HECW1: variants seen among roughly 807,000 people sequenced by gnomAD.
HECW1 encodes the protein HECT, C2 and WW domain containing E3 ubiquitin protein ligase 1.
A neutral mutation model predicts 182.3 loss-of-function variants in HECW1; 61 were observed. The ratio of observed to expected loss-of-function variants is 0.33; its 90% CI spans 0.27 to 0.41. The LOEUF is 0.41. Ranked by LOEUF, HECW1 falls within the 10% of genes least tolerant of loss-of-function variation. The pLI, the probability that HECW1 is intolerant of heterozygous loss-of-function variation, is 1.00. For missense variants in HECW1, 1,739 were observed against 2,108.9 expected, an observed-to-expected ratio of 0.82 and a Z score of 3.44; for synonymous variants, 859 against 832.6, an observed-to-expected ratio of 1.03 and a Z score of -0.55.
At chr7:43,145,561 G>A (rs182638256) in intron 2 of HECW1, among the ~76,000 whole-genome samples, 11 of 152,346 alleles carry the variant, frequency 7.2e-5, no homozygotes, top group Admixed American at 2.0e-4. Flanking sequence ...GCCTCCCAAA[G>A]TGCTGGGATT....
chr7:43,535,648 A>G (rs1193753163), intron 24 of HECW1, among the ~76,000 whole-genome samples: 1 of 152,188 alleles, frequency 6.6e-6, no homozygotes, highest in East Asian at 1.9e-4. Flanking sequence ...TTTGCAGTGT[A>G]TTAAAGGATA....
intron 8 of HECW1, among the ~76,000 whole-genome samples, chr7:43,412,672 C>T (rs2075846461): frequency 6.8e-6 from 1 of 147,170 alleles, no homozygotes; most frequent in Non-Finnish European, 1.5e-5. Context: ...TCTCAATGTT[C>T]AATTCCCACC....
chr7:43,193,863 G>T lies in HECW1; in HGVS notation c.-31-50012G>T, dbSNP rs939381868. 2.0e-5 allele frequency among the ~76,000 whole-genome samples: 3 copies of T among 152,258 alleles called. No homozygotes were observed. The East Asian group carries it at 5.8e-4, about 29-fold the overall frequency. ...GCCTAACTATGTACTCTAACAGAAAGACCTAGTAAGGGAAGGAGATTCTCT... is the reference window on the plus strand; with the variant it reads ...GCCTAACTATGTACTCTAACAGAAATACCTAGTAAGGGAAGGAGATTCTCT... On this transcript the variant is annotated intron_variant, in intron 2 of 29. Coordinates refer to ENST00000395891, the MANE Select transcript of HECW1 (RefSeq NM_015052.5).
chr7:43,243,991 C>T lies in HECW1; in HGVS notation c.27+59C>T. On this transcript the variant is annotated intron_variant, in intron 3 of 29. Transcript: ENST00000395891. The surrounding 1 kb of genome is among the most constrained non-coding windows in gnomAD (Gnocchi z 4.0). ...CATGTCATTCCATTATAAACCCACTCCACTCATAATGGAATGTGCCTCAGC... is the reference window on the plus strand; with the variant it reads ...CATGTCATTCCATTATAAACCCACTTCACTCATAATGGAATGTGCCTCAGC... 8 of 1,325,028 alleles carry T rather than the reference C, an allele frequency of 6.0e-6. No individual in the cohort carries two copies. Among genetic ancestry groups the T allele is most frequent in the Non-Finnish European group, 6.6e-6 (6 of 915,766 alleles). The allele number at this position is 1,325,028 out of a possible 1,614,324, so 82.1% of individuals were successfully genotyped here.
chr7:43,285,564 C>T (rs1451434230), intron 3 of HECW1, among the ~76,000 whole-genome samples: 2 of 152,128 alleles, frequency 1.3e-5, no homozygotes, highest in Admixed American at 1.3e-4. Context: ...AATCCCAGCA[C>T]TTTGGGAGGC....
Position 43,541,965 on chromosome 7 carries a change from C to T in HECW1, c.4215C>T (p.Leu1405=). ...ACAACATCACAGACATCTTAGACCT[C>T]ACTTTCACTGTTAATGAAGAGGTTT... ...KDNNITDILD[L]TFTVNEEVFG... is the part of the protein sequence containing the mutation. Residue 1405 remains leucine, a synonymous_variant, in exon 26 of 30, where the codon CTC becomes CTT. Transcript: ENST00000395891. 6.5e-7 allele frequency: 1 copy of T among 1,546,220 alleles called. No individual in the cohort carries two copies. The highest frequency in any genetic ancestry group is 8.7e-7 in the Non-Finnish European group (1 of 1,147,436).
At chr7:43,322,422 G>C (rs1810246056) in intron 5 of HECW1, among the ~76,000 whole-genome samples, 2 of 152,018 alleles carry the variant, frequency 1.3e-5, no homozygotes, top group African/African-American at 4.8e-5. Flanking sequence ...TCCATGCCAG[G>C]CAAAATCCCT....
At chr7:43,501,110 T>C (rs2079334957) in intron 20 of HECW1, 103 bp from the exon 21 acceptor site, 1 of 647,274 alleles carries the variant, frequency 1.5e-6, no homozygotes, top group Admixed American at 2.8e-5. Flanking sequence ...TGTTGCTTTG[T>C]GAGAAGTGTA....
intron 3 of HECW1, among the ~76,000 whole-genome samples, chr7:43,262,730 C>T (rs1801315961): frequency 6.6e-6 from 1 of 152,196 alleles, no homozygotes; most frequent in Non-Finnish European, 1.5e-5. Flanking sequence ...TCCTCCTTTG[C>T]TTCCTCTGAA....
rs768235094 is a variant in HECW1 at position 43,541,252 on chromosome 7, T to C, written c.4109T>C (p.Leu1370Pro). The change falls in exon 25 of 30, where the codon CTC becomes CCC. Residue 1370 changes from leucine (L) to proline (P), a missense_variant. By Grantham distance (98) the Leu-to-Pro change is moderately conservative. Around this residue, in one of 5 missense-constraint regions of HECW1, gnomAD observed 420 missense variants for 595.7 expected, o/e 0.71. Coordinates refer to ENST00000395891, the MANE Select transcript of HECW1 (RefSeq NM_015052.5). Reference sequence around the variant, plus strand: ...TTCACGAGGCCCTTCTACAAGGCACTCCTGAGACTGTAAGTGCTTTGCAGA... The same window carrying C: ...TTCACGAGGCCCTTCTACAAGGCACCCCTGAGACTGTAAGTGCTTTGCAGA... Reference protein sequence around the residue: ...AFFTRPFYKALLRLPCDLSDL... With the variant: ...AFFTRPFYKAPLRLPCDLSDL... The C allele has an allele frequency of 6.2e-7, 1 of 1,613,306 alleles. No homozygotes were observed. The highest frequency in any genetic ancestry group is 8.5e-7 in the Non-Finnish European group (1 of 1,179,238).
chr7:43,522,455 T>C (rs981036794), intron 24 of HECW1: 3 of 152,376 alleles, frequency 2.0e-5, no homozygotes, highest in East Asian at 3.9e-4. Context: ...GGGAAAAGCT[T>C]AGATAGAAGC....
intron 2 of HECW1, among the ~76,000 whole-genome samples, chr7:43,140,661 G>A (rs1562589668): frequency 6.6e-6 from 1 of 152,264 alleles, no homozygotes; most frequent in Non-Finnish European, 1.5e-5. Context: ...ATTCTCCCAC[G>A]AGATTAGGAG....
At chr7:43,537,141 A>T (rs2081206673) in intron 24 of HECW1, among the ~76,000 whole-genome samples, 1 of 152,172 alleles carries the variant, frequency 6.6e-6, no homozygotes. Context: ...CCATGGAGAG[A>T]AAGAAGTGAG....
At chr7:43,320,430 GGTTGGGAGGC>G (rs1809952941) in intron 4 of HECW1, among the ~76,000 whole-genome samples, 195 bp from the exon 5 acceptor site, 1 of 152,342 alleles carries the variant, frequency 6.6e-6, no homozygotes, top group African/African-American at 2.4e-5. Flanking sequence ...AGTGCTATGG[GGTTGGGAGGC>G]GATCCCGGCA....
chr7:43,492,406 C>A (rs1360035877), intron 18 of HECW1, among the ~76,000 whole-genome samples: 1 of 152,112 alleles, frequency 6.6e-6, no homozygotes, highest in Admixed American at 6.6e-5. Context: ...CCCTCCCTGT[C>A]TTTTCTGTTC....
At position 43,274,258 on chromosome 7, in the gene HECW1, C is replaced by A. The variant is rs953551081; in HGVS notation, c.27+30326C>A. The A allele has an allele frequency of 2.1e-5, 18 of 873,086 alleles. 1 individual carries two copies. Among genetic ancestry groups the A allele is most frequent in the Middle Eastern group, 3.5e-4 (1 of 2,838 alleles). 54.1% of individuals were successfully genotyped at this position (873,086 alleles called of 1,614,324 possible). On this transcript the variant is annotated intron_variant, in intron 3 of 29. Transcript: ENST00000395891. ...CCCCTCTACTGCATGCGAATCTTTG[C>A]GCCTAAATCATGTCGTCGCCAAGTC...
intron 17 of HECW1, among the ~76,000 whole-genome samples, chr7:43,486,882 C>T (rs1468425810): frequency 6.6e-6 from 1 of 152,198 alleles, no homozygotes; most frequent in African/African-American, 2.4e-5. Context: ...TATCCTAGTG[C>T]CTCGTAGACA....
At chr7:43,226,853 G>T (rs1037867146) in intron 2 of HECW1, among the ~76,000 whole-genome samples, 1 of 152,192 alleles carries the variant, frequency 6.6e-6, no homozygotes, top group Non-Finnish European at 1.5e-5. Context: ...ATTGGTCAGG[G>T]CAGCCTGCAG....
Position 43,233,969 on chromosome 7 carries a change from A to C in HECW1, c.-31-9906A>C, listed in dbSNP as rs558170638. Among the ~76,000 whole-genome samples, 26 of 152,374 alleles carry C rather than the reference A, an allele frequency of 1.7e-4. No homozygotes were observed. The South Asian group carries it at 5.4e-3, about 32-fold the overall frequency. On this transcript the variant is annotated intron_variant, in intron 2 of 29. Transcript: ENST00000395891. ...TGGTACGGGAAAGATAAGATACTTC[A>C]TATCATCCAGAAATAAGCTTCATCG... is the stretch of plus-strand genomic sequence containing the variant.
Sources: gnomAD v4.1 joint callset for allele counts (sites outside exome capture counted in the v4.1 genomes callset) on GRCh38, gnomAD v4.1.1 for gene constraint, gnomAD v4.1.1 regional missense constraint, Gnocchi (gnomAD v3.1) non-coding constraint, MANE v1.5 for transcripts, NCBI Gene and HGNC (gene_info 2026-07-23, HGNC 2026-07-21) for gene names.